PKD2L1: variants seen among roughly 807,000 people sequenced by gnomAD.
PKD2L1 encodes the protein polycystin 2 like 1, transient receptor potential cation channel.
Under a neutral mutation model 93.0 loss-of-function variants are expected in PKD2L1, and 77 were observed. The ratio of observed to expected loss-of-function variants is 0.83; its 90% CI spans 0.69 to 1.00. The LOEUF is 1.00. Ranked by LOEUF, PKD2L1 falls within the 50% of genes least tolerant of loss-of-function variation. The probability of loss-of-function intolerance (pLI) is 0.00; values close to 1 mark genes in which losing one functional copy is unlikely to be tolerated. For missense variants in PKD2L1, 977 were observed against 990.9 expected, an observed-to-expected ratio of 0.99 and a Z score of 0.19; for synonymous variants, 390 against 388.0, an observed-to-expected ratio of 1.01 and a Z score of -0.06.
At position 100,292,960 on chromosome 10, in the gene PKD2L1, T is replaced by C. The variant is rs1848436540; in HGVS notation, c.1868A>G (p.Asn623Ser). 3 of 1,613,938 alleles carry C rather than the reference T, an allele frequency of 1.9e-6. No homozygotes were observed. Among genetic ancestry groups the C allele is most frequent in the Non-Finnish European group, 2.5e-6 (3 of 1,179,972 alleles). Residue 623 changes from asparagine (N) to serine (S), a missense_variant, in exon 11 of 16, where the codon AAC becomes AGC. Physicochemically the swap from Asn to Ser is conservative, Grantham distance 46. Transcript: ENST00000318222. ...TCTGGTTGCTCACTCCCTTAAGGTG[T>C]TGGTGAAATCCTCAAACTGGATCTC... The part of the protein sequence containing the change: ...EQEIQFEDFT[N>S]TLRELGHAEH...
At chr10:100,289,729 G>A (rs1259314240) in intron 14 of PKD2L1, among the ~76,000 whole-genome samples, 1 of 152,028 alleles carries the variant, frequency 6.6e-6, no homozygotes, top group Non-Finnish European at 1.5e-5. Context: ...GAACAAATTT[G>A]TGTTGCTTAT....
rs745525117 is a variant in PKD2L1 at position 100,295,069 on chromosome 10, C to A, written c.1411G>T (p.Ala471Ser). ...KTMTQLSSTL[A>S]RCAKDILGFA... The stretch of plus-strand genomic sequence containing the variant: ...CCCAGGATGTCCTTGGCACAGCGGG[C>A]CAGCGTGGAGGAGAGCTGGGTCATG... Residue 471 changes from alanine (A) to serine (S), a missense_variant, in exon 8 of 16, where the codon GCC becomes TCC. Physicochemically the swap from Ala to Ser is moderately conservative, Grantham distance 99 (BLOSUM62 1). Transcript: ENST00000318222. 4.3e-6 allele frequency: 7 copies of A among 1,613,948 alleles called. No homozygotes were observed. The highest frequency in any genetic ancestry group is 2.2e-5 in the East Asian group (1 of 44,900).
chr10:100,290,371 C>T (rs1421332679), intron 13 of PKD2L1, 30 bp downstream of exon 13: 1 of 1,474,224 alleles, frequency 6.8e-7, no homozygotes, highest in Non-Finnish European at 9.5e-7. Flanking sequence ...TGTTGCCAGC[C>T]CTGAACCAGC....
At position 100,321,755 on chromosome 10, in the gene PKD2L1, G is replaced by GA. The variant is rs1564894537; in HGVS notation, c.349+7455dup. Among the ~76,000 whole-genome samples, 13 of 3,108 alleles carry GA rather than the reference G, an allele frequency of 4.2e-3. 4 individuals carry two copies. The South Asian group carries it at 0.079, about 19-fold the overall frequency. 2.0% of individuals were successfully genotyped at this position (3,108 alleles called of 152,430 possible). On this transcript the variant is annotated intron_variant, in intron 2 of 15. Coordinates refer to ENST00000318222, the MANE Select transcript of PKD2L1 (RefSeq NM_016112.3). ...AGAAAGAAAGAAAGAAAGAAAGAAAGAAGGGAGGGAGGGAGGGAGGGAGGG... is the reference window on the plus strand; with the variant it reads ...AGAAAGAAAGAAAGAAAGAAAGAAAGAAAGGGAGGGAGGGAGGGAGGGAGGG...
At chr10:100,316,668 C>G (rs1161501037) in intron 2 of PKD2L1, among the ~76,000 whole-genome samples, 2 of 152,232 alleles carry the variant, frequency 1.3e-5, no homozygotes, top group Non-Finnish European at 2.9e-5. Context: ...CCAGCTTAGA[C>G]TCAGTCTCTG....
At chr10:100,302,276 C>CAT (rs1848699633) in intron 2 of PKD2L1, among the ~76,000 whole-genome samples, 1 of 136,610 alleles carries the variant, frequency 7.3e-6, no homozygotes, top group Non-Finnish European at 1.6e-5. Context: ...CACACACACA[C>CAT]ACACATATCA....
chr10:100,322,214 G>C (rs61593299), intron 2 of PKD2L1, among the ~76,000 whole-genome samples: 1 of 151,798 alleles, frequency 6.6e-6, no homozygotes, highest in Non-Finnish European at 1.5e-5. Context: ...AGCAAGGCCC[G>C]GTCTCAAAAC....
intron 2 of PKD2L1, among the ~76,000 whole-genome samples, chr10:100,320,557 C>T (rs528604051): frequency 6.6e-6 from 1 of 152,342 alleles, no homozygotes; most frequent in South Asian, 2.1e-4. Flanking sequence ...CACCTAGGGT[C>T]TAATGGTCCA....
intron 2 of PKD2L1, among the ~76,000 whole-genome samples, chr10:100,328,761 G>T (rs1446701091): frequency 1.3e-5 from 2 of 152,064 alleles, no homozygotes; most frequent in African/African-American, 2.4e-5. Context: ...GCTAATTTTT[G>T]TATTTTTAGT....
At position 100,294,601 on chromosome 10, in the gene PKD2L1, A is replaced by C. The variant is rs781670666; in HGVS notation, c.1593T>G (p.Asn531Lys). ...LGDFDYNAID[N>K]ANRILGPAYF... is the part of the protein sequence containing the mutation. ...AGGCAGGGCCCAGGATGCGGTTGGCATTGTCGATAGCATTGTAGTCAAAGT... is the reference window on the plus strand; with the variant it reads ...AGGCAGGGCCCAGGATGCGGTTGGCCTTGTCGATAGCATTGTAGTCAAAGT... Residue 531 changes from asparagine (N) to lysine (K), a missense_variant, in exon 9 of 16, where the codon AAT (asparagine) becomes AAG (lysine). Asn to Lys is a moderately conservative substitution (Grantham distance 94, BLOSUM62 0). Transcript: ENST00000318222. The C allele has an allele frequency of 1.2e-6, 2 of 1,613,970 alleles. No homozygotes were observed.
chr10:100,308,871 T>C (rs986000988), intron 2 of PKD2L1, among the ~76,000 whole-genome samples: 20 of 152,338 alleles, frequency 1.3e-4, no homozygotes, highest in African/African-American at 4.8e-4. Context: ...GATGTCCTTA[T>C]AAGCAAACTC....
intron 2 of PKD2L1, among the ~76,000 whole-genome samples, chr10:100,318,754 C>T (rs1482578622): frequency 1.3e-5 from 2 of 151,792 alleles, no homozygotes; most frequent in Admixed American, 6.6e-5. Flanking sequence ...CTACTAACCT[C>T]GTGATCCACC....
chr10:100,298,776 T>G lies in PKD2L1; in HGVS notation c.517A>C (p.Lys173Gln), dbSNP rs750380254. ...GPLLDSLYWT[K>Q]WYNNQSLGHG... ...CCCAGGCTCTGGTTGTTGTACCATTTGGTCCAATACAAACTGTCCAGTAGT... is the reference window on the plus strand; with the variant it reads ...CCCAGGCTCTGGTTGTTGTACCATTGGGTCCAATACAAACTGTCCAGTAGT... Residue 173 changes from lysine to glutamine, a missense_variant, in exon 4 of 16, where the codon AAA becomes CAA. By Grantham distance (53) the Lys-to-Gln change is moderately conservative. Transcript: ENST00000318222. 2.5e-6 allele frequency: 4 copies of G among 1,613,758 alleles called. No individual in the cohort carries two copies. Among genetic ancestry groups the G allele is most frequent in the Admixed American group, 1.7e-5 (1 of 60,000 alleles).
At chr10:100,294,701 C>A in intron 8 of PKD2L1, 46 bp from the exon 9 acceptor site, 1 of 1,611,914 alleles carries the variant, frequency 6.2e-7, no homozygotes, top group Non-Finnish European at 8.5e-7. Flanking sequence ...ACAAACACCC[C>A]CCATCCCACT....
At chr10:100,299,161 TGTCCAGGCTG>T (rs1378687277) in intron 3 of PKD2L1, among the ~76,000 whole-genome samples, 3 of 152,140 alleles carry the variant, frequency 2.0e-5, no homozygotes, top group Non-Finnish European at 4.4e-5. Context: ...TTCACCATGT[TGTCCAGGCTG>T]GTCTTGAACA....
chr10:100,291,261 A>G lies in PKD2L1; in HGVS notation c.2007+40T>C, dbSNP rs368984277. The G allele has an allele frequency of 5.6e-6, 9 of 1,596,620 alleles. No individual in the cohort carries two copies. In the African/African-American group the frequency reaches 9.4e-5, roughly 17 times the overall value. On this transcript the variant is annotated intron_variant, in intron 12 of 15. Coordinates refer to ENST00000318222, the MANE Select transcript of PKD2L1 (RefSeq NM_016112.3). Reference sequence around the variant, plus strand: ...TGTTGGGGGAAGGAGAGGGTGAGCTATTTCCTTACACTGCCTCTCCACCCA... The same window carrying G: ...TGTTGGGGGAAGGAGAGGGTGAGCTGTTTCCTTACACTGCCTCTCCACCCA...
intron 8 of PKD2L1, 41 bp downstream of exon 8, chr10:100,294,901 G>A (rs1348911665): frequency 1.9e-6 from 3 of 1,558,942 alleles, no homozygotes; most frequent in South Asian, 1.1e-5. Flanking sequence ...GGAGCTGGAG[G>A]GTGAGGGGCC....
chr10:100,302,828 G>A (rs1001403577), intron 2 of PKD2L1, among the ~76,000 whole-genome samples: 4 of 152,186 alleles, frequency 2.6e-5, no homozygotes, highest in African/African-American at 9.7e-5. Flanking sequence ...TATAAAGGCT[G>A]TCAGTGGTAT....
intron 2 of PKD2L1, among the ~76,000 whole-genome samples, chr10:100,300,844 T>C (rs1386443048): frequency 8.7e-6 from 1 of 115,328 alleles, no homozygotes; most frequent in Non-Finnish European, 1.8e-5. Flanking sequence ...ACTAACATTG[T>C]CAAATGGTGA....
Sources: gnomAD v4.1 joint callset for allele counts (sites outside exome capture counted in the v4.1 genomes callset) on GRCh38, gnomAD v4.1.1 for gene constraint, MANE v1.5 for transcripts, NCBI Gene and HGNC (gene_info 2026-07-23, HGNC 2026-07-21) for gene names.